The following MGAT5 variants were observed in gnomAD, a reference collection of about 807,000 sequenced individuals.
The protein encoded by MGAT5 is alpha-1,6-mannosylglycoprotein 6-beta-N-acetylglucosaminyltransferase A.
In MGAT5, 30 loss-of-function variants were observed where a neutral mutation model predicts 94.3. The observed-to-expected ratio is 0.32, with a 90% CI of 0.24 to 0.43. The LOEUF is 0.43. Ranked by LOEUF, MGAT5 falls within the 20% of genes least tolerant of loss-of-function variation. The pLI is 1.00. For synonymous variants in MGAT5, 310 were observed against 322.9 expected (o/e 0.96, Z 0.43); for missense variants, 691 against 905.5 (o/e 0.76, Z 3.04).
chr2:134,257,793 G>GCAGC (rs1219976793), intron 1 of MGAT5, among the ~76,000 whole-genome samples: 2 of 148,178 alleles, frequency 1.3e-5, no homozygotes, highest in Non-Finnish European at 3.0e-5. Context: ...AGCTGGGCTG[G>GCAGC]CAGAACAGTG....
intron 6 of MGAT5, among the ~76,000 whole-genome samples, chr2:134,340,257 A>G (rs1487125562): frequency 1.3e-5 from 2 of 152,168 alleles, no homozygotes; most frequent in Non-Finnish European, 2.9e-5. Flanking sequence ...ACTAAGTGGT[A>G]TAAGAGGTTC....
At chr2:134,188,829 C>T (rs1689172558) in intron 1 of MGAT5, among the ~76,000 whole-genome samples, 2 of 152,216 alleles carry the variant, frequency 1.3e-5, no homozygotes, top group African/African-American at 4.8e-5. Flanking sequence ...GCCATTCACC[C>T]TTTTGACTGA....
intron 14 of MGAT5, among the ~76,000 whole-genome samples, chr2:134,428,818 A>G (rs1418787674): frequency 6.6e-6 from 1 of 152,222 alleles, no homozygotes; most frequent in Non-Finnish European, 1.5e-5. Context: ...ATGTTCAGCA[A>G]TTCTAAATGT....
At chr2:134,234,026 C>T (rs923856772) in intron 1 of MGAT5, among the ~76,000 whole-genome samples, 5 of 152,178 alleles carry the variant, frequency 3.3e-5, no homozygotes, top group East Asian at 1.9e-4. Flanking sequence ...GAAATCAGAA[C>T]GCTAGATGCT....
At chr2:134,416,885 A>G (rs1011452965) in intron 12 of MGAT5, among the ~76,000 whole-genome samples, 3 of 151,386 alleles carry the variant, frequency 2.0e-5, no homozygotes, top group Non-Finnish European at 4.4e-5. Context: ...GGATTACAGC[A>G]TGAGTCACCA....
chr2:134,434,081 C>T (rs1007499071), intron 14 of MGAT5, among the ~76,000 whole-genome samples: 1 of 152,208 alleles, frequency 6.6e-6, no homozygotes, highest in African/African-American at 2.4e-5. Context: ...GTTACCACTC[C>T]TCCGCTTTGC....
At chr2:134,436,804 T>C (rs1380675200) in intron 14 of MGAT5, among the ~76,000 whole-genome samples, 1 of 152,196 alleles carries the variant, frequency 6.6e-6, no homozygotes, top group East Asian at 1.9e-4. Context: ...CATGTCTTAC[T>C]ATCTGTTAGC....
intron 1 of MGAT5, among the ~76,000 whole-genome samples, chr2:134,132,279 A>G (rs906238161): frequency 9.9e-5 from 15 of 152,260 alleles, no homozygotes; most frequent in African/African-American, 2.9e-4. Context: ...ATTTTTACCA[A>G]TTACACTCAG....
chr2:134,216,902 G>A (rs1680525227), intron 1 of MGAT5, among the ~76,000 whole-genome samples: 1 of 152,168 alleles, frequency 6.6e-6, no homozygotes, highest in African/African-American at 2.4e-5. Flanking sequence ...GCACATGACA[G>A]GAATCTGGCT....
In MGAT5 at chr2:134,254,486, T is replaced by C. The variant is rs1682807869; in HGVS notation, c.83T>C (p.Met28Thr). The C allele has an allele frequency of 1.2e-6, 2 of 1,614,228 alleles. No individual in the cohort carries two copies. The highest frequency in any genetic ancestry group is 1.7e-6 in the Non-Finnish European group (2 of 1,180,040). The change falls in exon 1 of 16, where the codon ATG becomes ACG. Residue 28 changes from methionine to threonine, a missense_variant. Transcript: ENST00000281923. ...LVTFGFIWGM[M>T]LLHFTIQQRT... is the part of the protein sequence containing the mutation. ...ACTTTTGGCTTCATTTGGGGTATGA[T>C]GCTTCTGCACTTTACCATCCAGCAG...
intron 1 of MGAT5, among the ~76,000 whole-genome samples, chr2:134,248,904 A>G (rs180726086): frequency 6.6e-6 from 1 of 152,076 alleles, no homozygotes. Flanking sequence ...TTCTCACTCC[A>G]TTGGAACTGG....
chr2:134,386,988 G>A (rs1193522496), intron 10 of MGAT5, among the ~76,000 whole-genome samples: 2 of 152,032 alleles, frequency 1.3e-5, no homozygotes, highest in Admixed American at 1.3e-4. Context: ...TGAGCCGGGT[G>A]CGGTGGCTCA....
chr2:134,321,233 G>T (rs538365250), intron 4 of MGAT5, among the ~76,000 whole-genome samples: 1 of 152,082 alleles, frequency 6.6e-6, no homozygotes, highest in South Asian at 2.1e-4. Flanking sequence ...TCCTCATTTA[G>T]TTTAATTTTC....
chr2:134,206,674 G>A (rs1680036168), intron 1 of MGAT5, among the ~76,000 whole-genome samples: 1 of 152,112 alleles, frequency 6.6e-6, no homozygotes, highest in African/African-American at 2.4e-5. Flanking sequence ...TGTCAAGATG[G>A]GCCCTAAATG....
chr2:134,136,522 G>T (rs900502278), intron 1 of MGAT5, among the ~76,000 whole-genome samples: 1 of 152,130 alleles, frequency 6.6e-6, no homozygotes, highest in African/African-American at 2.4e-5. Flanking sequence ...AGCTGAGATT[G>T]CACCACTGCA....
intron 10 of MGAT5, among the ~76,000 whole-genome samples, chr2:134,371,144 G>A (rs551870387): frequency 6.6e-6 from 1 of 152,218 alleles, no homozygotes; most frequent in African/African-American, 2.4e-5. Flanking sequence ...GTTGGAGGCG[G>A]CTTGGGTGGC....
chr2:134,208,467 G>A (rs1210556384), intron 1 of MGAT5, among the ~76,000 whole-genome samples: 1 of 152,164 alleles, frequency 6.6e-6, no homozygotes, highest in African/African-American at 2.4e-5. Context: ...CCATCAGCCA[G>A]AATTTGGTTA....
chr2:134,334,539 G>C (rs1457015470), intron 4 of MGAT5, among the ~76,000 whole-genome samples: 1 of 143,080 alleles, frequency 7.0e-6, no homozygotes, highest in South Asian at 2.3e-4. Context: ...GGGGTGGGAT[G>C]GGGTGAGGTT....
intron 8 of MGAT5, 110 bp from the exon 9 acceptor site, chr2:134,349,695 T>G (rs1197424604): frequency 8.2e-7 from 1 of 1,222,410 alleles, no homozygotes; most frequent in African/African-American, 1.5e-5. Context: ...CTGCTTCTAT[T>G]TAAAAGGATT....
Sources: gnomAD v4.1 joint callset for allele counts (sites outside exome capture counted in the v4.1 genomes callset) on GRCh38, gnomAD v4.1.1 for gene constraint, MANE v1.5 for transcripts, NCBI Gene and HGNC (gene_info 2026-07-23, HGNC 2026-07-21) for gene names.